PDE10A: variants seen among roughly 807,000 people sequenced by gnomAD.
PDE10A encodes the protein cAMP and cAMP-inhibited cGMP 3',5'-cyclic phosphodiesterase 10A.
A neutral mutation model predicts 97.7 loss-of-function variants in PDE10A; 39 were observed. The ratio of observed to expected loss-of-function variants is 0.40; its 90% CI spans 0.31 to 0.52. The LOEUF (loss-of-function observed/expected upper bound fraction) is 0.52, where lower values mean the gene tolerates loss of function less well. PDE10A is among the 20% of genes least tolerant of loss of function. The probability of loss-of-function intolerance (pLI) is 0.56; values close to 1 mark genes in which losing one functional copy is unlikely to be tolerated. For missense variants in PDE10A, 731 were observed against 1,047.8 expected (o/e 0.70, Z 4.17); for synonymous variants, 371 against 376.8 (o/e 0.98, Z 0.18).
chr6:165,958,555 A>AAG (rs1562327199), intron 1 of PDE10A, among the ~76,000 whole-genome samples: 1 of 52,050 alleles, frequency 1.9e-5, no homozygotes. Flanking sequence ...GAAAGAAAGA[A>AAG]AGAAAGAAAG....
At chr6:165,777,230 G>C (rs1778211720) in intron 1 of PDE10A, among the ~76,000 whole-genome samples, 2 of 152,166 alleles carry the variant, frequency 1.3e-5, no homozygotes, top group African/African-American at 4.8e-5. Flanking sequence ...AAGTGGATTT[G>C]AAGTTGCATT....
At chr6:165,876,020 T>C (rs1287326046) in intron 1 of PDE10A, among the ~76,000 whole-genome samples, 1 of 152,244 alleles carries the variant, frequency 6.6e-6, no homozygotes, top group Non-Finnish European at 1.5e-5. Context: ...GGTCTATGCA[T>C]CTGGCAGCTC....
At chr6:165,879,927 G>C (rs1196189221) in intron 1 of PDE10A, among the ~76,000 whole-genome samples, 3 of 150,388 alleles carry the variant, frequency 2.0e-5, no homozygotes, top group East Asian at 2.0e-4. Flanking sequence ...AATTCTCGGG[G>C]GGGGACACTC....
intron 1 of PDE10A, among the ~76,000 whole-genome samples, chr6:165,843,299 C>G (rs118063771): frequency 6.6e-6 from 1 of 152,048 alleles, no homozygotes; most frequent in East Asian, 1.9e-4. Flanking sequence ...AGAGTGGAAG[C>G]GCAGCAGAGG....
Position 165,662,541 on chromosome 6 carries a change from A to T in PDE10A, c.271T>A (p.Cys91Ser), listed in dbSNP as rs1326461086. 6.9e-6 allele frequency: 1 copy of T among 145,500 alleles called. No homozygotes were observed. The highest frequency in any genetic ancestry group is 1.5e-5 in the Non-Finnish European group (1 of 66,010). The allele number at this position is 145,500 out of a possible 1,614,324, so 9.0% of individuals were successfully genotyped here. Residue 91 changes from cysteine to serine, a missense_variant, in exon 1 of 22, where the codon TGC becomes AGC. Cys to Ser is a moderately radical substitution (Grantham distance 112). This residue lies in a region of PDE10A where 181 missense variants were observed against 159.1 expected (regional missense o/e 1.14). Transcript: ENST00000539869. The part of the protein sequence containing the change: ...PGALSARGGG[C>S]GWVAARAPLA... The stretch of plus-strand genomic sequence containing the variant: ...GGAGCGCGGGCCGCGACCCAGCCGC[A>T]GCCGCCGCCGCGCGCAGAGAGGGCG...
In PDE10A at chr6:165,788,781, T is replaced by A. The variant is rs899458058; in HGVS notation, c.-615+198748A>T. Among the ~76,000 whole-genome samples, 3 of 152,148 alleles carry A rather than the reference T, an allele frequency of 2.0e-5. No homozygotes were observed. In the East Asian group the frequency reaches 5.8e-4, roughly 29 times the overall value. The stretch of plus-strand genomic sequence containing the variant: ...AAAAGTTTTATTTTCTATTCCATAA[T>A]CTATCATTTAGACTGTTACTTTGTA... On this transcript the variant is annotated intron_variant, in intron 1 of 19. Transcript: ENST00000366882.
intron 18 of PDE10A, among the ~76,000 whole-genome samples, chr6:165,376,048 T>C (rs1784586429): frequency 6.6e-6 from 1 of 152,240 alleles, no homozygotes; most frequent in Non-Finnish European, 1.5e-5. Flanking sequence ...ATCTATTCTG[T>C]AGCTAATGGA....
At chr6:165,439,802 T>G (rs1790298718) in intron 5 of PDE10A, among the ~76,000 whole-genome samples, 1 of 152,234 alleles carries the variant, frequency 6.6e-6, no homozygotes, top group African/African-American at 2.4e-5. Context: ...ATGTAAATTT[T>G]GGGAAATAAA....
chr6:165,474,763 C>T lies in PDE10A; in HGVS notation c.1023+7552G>A, dbSNP rs150386609. 1.7e-3 allele frequency among the ~76,000 whole-genome samples: 257 copies of T among 152,230 alleles called. 1 individual carries two copies. Among genetic ancestry groups the T allele is most frequent in the African/African-American group, 5.9e-3 (246 of 41,538 alleles). On this transcript the variant is annotated intron_variant, in intron 3 of 21. Coordinates refer to ENST00000539869, the MANE Select transcript of PDE10A (RefSeq NM_001385079.1). ...TAGTATTTGTAAGTATTCAGACATA[C>T]ATCTAACATCCTAAATTTTTAATGA...
At chr6:165,897,983 TG>T (rs1424463770) in intron 1 of PDE10A, among the ~76,000 whole-genome samples, 2 of 152,008 alleles carry the variant, frequency 1.3e-5, no homozygotes, top group African/African-American at 2.4e-5. Context: ...TGCGGTCCTT[TG>T]CCGACCACTC....
At chr6:165,961,343 G>C (rs1784354904) in intron 1 of PDE10A, among the ~76,000 whole-genome samples, 1 of 152,196 alleles carries the variant, frequency 6.6e-6, no homozygotes, top group Non-Finnish European at 1.5e-5. Flanking sequence ...CTTCTCTATA[G>C]AGTGGGATAA....
chr6:165,465,441 G>A (rs1399879685), intron 3 of PDE10A, among the ~76,000 whole-genome samples: 1 of 152,224 alleles, frequency 6.6e-6, no homozygotes, highest in Non-Finnish European at 1.5e-5. Flanking sequence ...TTGTTCTACA[G>A]TGTAACTGAG....
intron 2 of PDE10A, among the ~76,000 whole-genome samples, chr6:165,497,508 G>C (rs1369784978): frequency 6.6e-6 from 1 of 152,192 alleles, no homozygotes; most frequent in East Asian, 1.9e-4. Flanking sequence ...ATATCTAAAA[G>C]AAAATATCAT....
At chr6:165,824,255 G>C (rs992247249) in intron 1 of PDE10A, among the ~76,000 whole-genome samples, 1 of 152,114 alleles carries the variant, frequency 6.6e-6, no homozygotes, top group African/African-American at 2.4e-5. Flanking sequence ...CTTCTTAATA[G>C]CCGTTCAGTT....
chr6:165,335,222 G>A (rs1055045422), intron 21 of PDE10A, among the ~76,000 whole-genome samples: 7 of 152,152 alleles, frequency 4.6e-5, no homozygotes, highest in African/African-American at 1.7e-4. Context: ...AAGAGATAAC[G>A]ATGCTTAAAT....
chr6:165,741,950 C>A (rs1369010248), intron 1 of PDE10A, among the ~76,000 whole-genome samples: 2 of 152,150 alleles, frequency 1.3e-5, no homozygotes, highest in Admixed American at 6.5e-5. Context: ...CAGTAAAATG[C>A]ATAATGCAAT....
chr6:165,332,884 T>C lies in PDE10A; in HGVS notation c.*141A>G. ...GGAAGTCCTCTGCTTGACTTATTTA[T>C]TTGATGTTACCTTCTTGAAGAGGTT... On this transcript the variant is annotated 3_prime_UTR_variant, in exon 22 of 22. Transcript: ENST00000539869. 1.5e-6 allele frequency: 1 copy of C among 646,198 alleles called. No individual in the cohort carries two copies. Among genetic ancestry groups the C allele is most frequent in the East Asian group, 2.6e-5 (1 of 38,412 alleles). 40.0% of individuals were successfully genotyped at this position (646,198 alleles called of 1,614,324 possible).
intron 13 of PDE10A, among the ~76,000 whole-genome samples, chr6:165,403,321 G>A (rs537064322): frequency 2.0e-5 from 3 of 152,198 alleles, no homozygotes; most frequent in Non-Finnish European, 4.4e-5. Flanking sequence ...TGGCTTGCAA[G>A]AGCCAATTAT....
At chr6:165,442,291 C>T (rs916909079) in intron 5 of PDE10A, among the ~76,000 whole-genome samples, 14 of 152,046 alleles carry the variant, frequency 9.2e-5, no homozygotes, top group African/African-American at 1.9e-4. Flanking sequence ...TATCCCTCCC[C>T]GCTCCCCCCA....
Sources: allele counts gnomAD v4.1 joint callset (sites outside exome capture counted in the v4.1 genomes callset), GRCh38; gene constraint gnomAD v4.1.1; regional missense constraint gnomAD v4.1.1; transcripts MANE v1.5; gene names NCBI Gene and HGNC (gene_info 2026-07-23, HGNC 2026-07-21).